Variants in SERPINA4 observed in about 807,000 individuals in gnomAD.
SERPINA4 encodes the protein serpin family A member 4.
A neutral mutation model predicts 25.4 loss-of-function variants in SERPINA4; 24 were observed. The ratio of observed to expected loss-of-function variants is 0.95; its 90% confidence interval spans 0.69 to 1.33. The LOEUF is 1.33. Among genes scored for constraint, SERPINA4 ranks in the 40% most tolerant of loss-of-function variants. SERPINA4 has a pLI of 0.00. For synonymous variants in SERPINA4, 242 were observed against 223.6 expected (o/e 1.08, Z -0.73); for missense variants, 553 against 535.8 (o/e 1.03, Z -0.32).
chr14:94,563,256 G>T (rs1902080758), intron 1 of SERPINA4, among the ~76,000 whole-genome samples: 1 of 152,192 alleles, frequency 6.6e-6, no homozygotes, highest in Non-Finnish European at 1.5e-5. Context: ...CAAGGAGTGT[G>T]CCTTGTAAGT....
intron 4 of SERPINA4, 42 bp from the exon 5 acceptor site, chr14:94,569,353 C>T (rs1375205070): frequency 6.3e-7 from 1 of 1,592,764 alleles, no homozygotes; most frequent in South Asian, 1.1e-5. Flanking sequence ...CAGGCCCCCT[C>T]TCTTGCTGGC....
intron 3 of SERPINA4, 41 bp downstream of exon 3, chr14:94,567,284 C>T: frequency 1.3e-6 from 2 of 1,555,516 alleles, no homozygotes; most frequent in Non-Finnish European, 8.7e-7. Flanking sequence ...CAGTACTATC[C>T]ATCAAATGTA....
chr14:94,561,451 C>A lies in SERPINA4; in HGVS notation c.-61C>A, dbSNP rs1208842996. 1.8e-5 allele frequency: 6 copies of A among 329,086 alleles called. No homozygotes were observed. The highest frequency in any genetic ancestry group is 3.0e-5 in the Non-Finnish European group (5 of 168,072). 20.4% of individuals were successfully genotyped at this position (329,086 alleles called of 1,614,324 possible). A position where few individuals can be genotyped will look rare whatever the true frequency, so the allele number is the denominator to read the frequency against. On this transcript the variant is annotated 5_prime_UTR_variant, in exon 1 of 5. In the 5' UTR this introduces an upstream ATG that the reference lacks. Transcript: ENST00000557004. ...TCCTCCTGGGCTTGATAAGACAGAG[C>A]TGAGACAGCCACCCAGGGGGTCCAC...
chr14:94,566,586 A>G (rs562849288), intron 2 of SERPINA4, among the ~76,000 whole-genome samples: 2 of 152,034 alleles, frequency 1.3e-5, no homozygotes, highest in Non-Finnish European at 2.9e-5. Flanking sequence ...TCCTCTCATC[A>G]TGGCAGTAGT....
chr14:94,569,865 C>T lies in SERPINA4; in HGVS notation c.*270C>T. ...CTGGAAAGGGGGCGGGCCCTTTTCA[C>T]AACAGGCTGGTTGTACCGAGTAAAC... is the stretch of plus-strand genomic sequence containing the variant. On this transcript the variant is annotated 3_prime_UTR_variant, in exon 5 of 5. Transcript: ENST00000557004. The T allele has an allele frequency of 3.9e-6, 2 of 518,710 alleles. No homozygotes were observed. The highest frequency in any genetic ancestry group is 7.0e-6 in the Non-Finnish European group (2 of 287,112). The allele number at this position is 518,710 out of a possible 1,614,324, so 32.1% of individuals were successfully genotyped here. A position where few individuals can be genotyped will look rare whatever the true frequency, so the allele number is the denominator to read the frequency against.
intron 4 of SERPINA4, 48 bp from the exon 5 acceptor site, chr14:94,569,347 C>A (rs370252993): frequency 2.5e-6 from 4 of 1,569,188 alleles, no homozygotes; most frequent in Non-Finnish European, 3.5e-6. Flanking sequence ...CTTGTCCAGG[C>A]CCCCTCTCTT....
chr14:94,568,797 G>A (rs1902300264), intron 4 of SERPINA4, among the ~76,000 whole-genome samples: 1 of 151,538 alleles, frequency 6.6e-6, no homozygotes, highest in Non-Finnish European at 1.5e-5. Context: ...GGGAGGCAGA[G>A]GTTGCAATGT....
At chr14:94,568,077 G>T in intron 3 of SERPINA4, 52 bp from the exon 4 acceptor site, 2 of 1,596,656 alleles carry the variant, frequency 1.3e-6, no homozygotes, top group South Asian at 2.2e-5. Context: ...CTGCCCAGCA[G>T]GGATCCTGGC....
chr14:94,564,827 C>A (rs766999614), intron 2 of SERPINA4, among the ~76,000 whole-genome samples: 1 of 152,218 alleles, frequency 6.6e-6, no homozygotes, highest in Non-Finnish European at 1.5e-5. Flanking sequence ...TAACAATGCT[C>A]ATTTTGAAGC....
rs144981852 is a variant in SERPINA4 at position 94,563,767 on chromosome 14, A to T, written c.285A>T (p.Ser95=). Residue 95 remains serine (S), a synonymous_variant, in exon 2 of 5, where the codon TCA becomes TCT. Coordinates refer to ENST00000557004, the MANE Select transcript of SERPINA4 (RefSeq NM_006215.4). ...CCATGCTTTCCCTGGGGGCCTGCTC[A>T]CACAGCCGCAGCCAGATCCTTGAGG... ...AYAMLSLGAC[S]HSRSQILEGL... is the part of the protein sequence containing the mutation. 85 of 1,614,088 alleles carry T rather than the reference A, an allele frequency of 5.3e-5. No individual in the cohort carries two copies. The highest frequency in any genetic ancestry group is 6.7e-5 in the Non-Finnish European group (79 of 1,180,042).
At chr14:94,565,210 T>A (rs1902165941) in intron 2 of SERPINA4, among the ~76,000 whole-genome samples, 1 of 152,202 alleles carries the variant, frequency 6.6e-6, no homozygotes, top group Non-Finnish European at 1.5e-5. Flanking sequence ...CAACCAGCCA[T>A]CAGAGTGCTG....
intron 1 of SERPINA4, 68 bp from the exon 2 acceptor site, chr14:94,563,398 C>T: frequency 6.7e-7 from 1 of 1,500,562 alleles, no homozygotes; most frequent in Non-Finnish European, 8.9e-7. Context: ...TGGCCCACTG[C>T]CAGCCTTCTC....
chr14:94,568,349 G>A, intron 4 of SERPINA4, 61 bp downstream of exon 4: 2 of 1,572,208 alleles, frequency 1.3e-6, no homozygotes, highest in East Asian at 2.3e-5. Context: ...CATGGGAGCT[G>A]CCAGGCGATG....
In SERPINA4 at chr14:94,566,974, G is replaced by A. The variant is rs753463939; in HGVS notation, c.654G>A (p.Leu218=). ...VLVNYIYFKA[L]WEKPFISSRT... is the part of the protein sequence containing the mutation. ...TTCTTTTCATCTTCCCTTCAGCCCT[G>A]TGGGAGAAACCATTCATTTCCTCAA... The change falls in exon 3 of 5, where the codon CTG becomes CTA. Residue 218 remains leucine (L), a synonymous_variant. Coordinates refer to ENST00000557004, the MANE Select transcript of SERPINA4 (RefSeq NM_006215.4). The A allele has an allele frequency of 2.5e-6, 4 of 1,613,064 alleles. No homozygotes were observed. The African/African-American group carries it at 4.0e-5, about 16-fold the overall frequency.
At chr14:94,562,292 G>A (rs1253854223) in intron 1 of SERPINA4, among the ~76,000 whole-genome samples, 2 of 152,200 alleles carry the variant, frequency 1.3e-5, no homozygotes. Context: ...GCGCTTTGCA[G>A]AAAAAGTTTT....
chr14:94,565,917 G>A (rs1902190431), intron 2 of SERPINA4, among the ~76,000 whole-genome samples: 1 of 152,106 alleles, frequency 6.6e-6, no homozygotes, highest in African/African-American at 2.4e-5. Flanking sequence ...ACTAAGGAAG[G>A]AAGAGAAACA....
rs1555383381 is a variant in SERPINA4, at chr14:94,568,874, A to AAAAAAAAAG, written c.1084-514_1084-506dup. ...GTGAGTGAGACTCCATCTCAAAAAA[A>AAAAAAAAAG]AAAAAAAAGAAAAAATAGAGGAAAC... On this transcript the variant is annotated intron_variant, in intron 4 of 4. Transcript: ENST00000557004. Among the ~76,000 whole-genome samples the AAAAAAAAAG allele has an allele frequency of 3.8e-3, 552 of 146,242 alleles. 11 individuals are homozygous for AAAAAAAAAG. The highest frequency in any genetic ancestry group is 0.011 in the African/African-American group (447 of 39,716).
intron 2 of SERPINA4, among the ~76,000 whole-genome samples, chr14:94,566,458 A>G (rs1902214083): frequency 6.6e-6 from 1 of 152,196 alleles, no homozygotes; most frequent in Non-Finnish European, 1.5e-5. Context: ...TTGAGAAAAC[A>G]GAATCAGTTA....
At chr14:94,566,757 T>C (rs1405589597) in intron 2 of SERPINA4, among the ~76,000 whole-genome samples, 1 of 152,234 alleles carries the variant, frequency 6.6e-6, no homozygotes, top group Non-Finnish European at 1.5e-5. Context: ...TCCTCTGCTA[T>C]CTCTCATTTT....
Sources: gnomAD v4.1 joint callset for allele counts (sites outside exome capture counted in the v4.1 genomes callset) on GRCh38, gnomAD v4.1.1 for gene constraint, MANE v1.5 for transcripts, NCBI Gene and HGNC (gene_info 2026-07-23, HGNC 2026-07-21) for gene names.